The following NOX4 variants were observed in gnomAD, a reference collection of about 807,000 sequenced individuals.
NOX4 encodes NADPH oxidase 4.
In NOX4, 69 loss-of-function variants were observed where a neutral mutation model predicts 87.6. That is an observed-to-expected ratio of 0.79 (90% CI 0.65 to 0.96). The LOEUF is 0.96. NOX4 is among the 40% of genes least tolerant of loss of function. The pLI is 0.00. For missense variants in NOX4, 680 were observed against 681.5 expected, an observed-to-expected ratio of 1.00 and a Z score of 0.02; for synonymous variants, 275 against 238.2, an observed-to-expected ratio of 1.15 and a Z score of -1.42.
At chr11:89,450,559 T>C (rs1033992195) in intron 3 of NOX4, among the ~76,000 whole-genome samples, 11 of 152,070 alleles carry the variant, frequency 7.2e-5, no homozygotes, top group South Asian at 2.1e-4. Context: ...ATATAATACA[T>C]GACATCACTA....
intron 12 of NOX4, among the ~76,000 whole-genome samples, chr11:89,365,796 T>G (rs1480359380): frequency 6.7e-6 from 1 of 149,794 alleles, no homozygotes; most frequent in South Asian, 2.1e-4. Context: ...TTCTTTTATG[T>G]TTTATGAAGT....
At chr11:89,380,097 G>T (rs1413358568) in intron 11 of NOX4, among the ~76,000 whole-genome samples, 1 of 152,128 alleles carries the variant, frequency 6.6e-6, no homozygotes, top group Non-Finnish European at 1.5e-5. Flanking sequence ...TATAAACTTG[G>T]GACATGAAGC....
At chr11:89,361,597 A>C (rs1938530874) in intron 12 of NOX4, among the ~76,000 whole-genome samples, 2 of 152,058 alleles carry the variant, frequency 1.3e-5, no homozygotes, top group Admixed American at 1.3e-4. Context: ...GTACCCCAAA[A>C]ACTATTGAAA....
intron 2 of NOX4, among the ~76,000 whole-genome samples, chr11:89,476,747 A>G (rs528984438): frequency 6.6e-6 from 1 of 152,316 alleles, no homozygotes; most frequent in African/African-American, 2.4e-5. Context: ...GAATGGATAT[A>G]TAAAAAGTGG....
chr11:89,328,381 A>G (rs1945302725), intron 17 of NOX4, among the ~76,000 whole-genome samples: 1 of 152,154 alleles, frequency 6.6e-6, no homozygotes, highest in Non-Finnish European at 1.5e-5. Flanking sequence ...ATTCTCAGAA[A>G]CGTATCACCT....
At chr11:89,426,871 G>C (rs1409347152) in intron 7 of NOX4, among the ~76,000 whole-genome samples, 4 of 152,164 alleles carry the variant, frequency 2.6e-5, no homozygotes, top group Admixed American at 6.5e-5. Flanking sequence ...TTTGAAGAGA[G>C]TAGTGGTTCT....
At chr11:89,386,355 C>T (rs546896901) in intron 11 of NOX4, among the ~76,000 whole-genome samples, 1 of 152,288 alleles carries the variant, frequency 6.6e-6, no homozygotes, top group Non-Finnish European at 1.5e-5. Context: ...TTACACTTTT[C>T]CTTCAAACCA....
chr11:89,457,454 G>A (rs924231623), intron 2 of NOX4, among the ~76,000 whole-genome samples: 1 of 152,150 alleles, frequency 6.6e-6, no homozygotes, highest in Non-Finnish European at 1.5e-5. Context: ...AACCCTGCCA[G>A]CACCAGCTTT....
the NOX4 span, among the ~76,000 whole-genome samples, chr11:89,526,295 G>A: frequency 2.6e-5 from 4 of 152,092 alleles, no homozygotes; most frequent in African/African-American, 9.7e-5. Flanking sequence ...GGGTACATCT[G>A]ATATATTTTG....
intron 8 of NOX4, among the ~76,000 whole-genome samples, chr11:89,419,058 G>T (rs929927855): frequency 6.6e-6 from 1 of 152,004 alleles, no homozygotes; most frequent in Admixed American, 6.6e-5. Context: ...TTAAAAATAT[G>T]CAGTTTTATA....
At chr11:89,362,606 T>C (rs1938617688) in intron 12 of NOX4, among the ~76,000 whole-genome samples, 1 of 152,088 alleles carries the variant, frequency 6.6e-6, no homozygotes, top group East Asian at 1.9e-4. Flanking sequence ...AAGTAATCTA[T>C]CAATCATCTA....
At chr11:89,518,074 A>G in the NOX4 span, among the ~76,000 whole-genome samples, 1 of 152,130 alleles carries the variant, frequency 6.6e-6, no homozygotes, top group Non-Finnish European at 1.5e-5. Context: ...CAAAATAATG[A>G]AGATTAAATA....
intron 11 of NOX4, among the ~76,000 whole-genome samples, chr11:89,381,848 C>T (rs1437744371): frequency 2.0e-5 from 3 of 152,214 alleles, no homozygotes; most frequent in Non-Finnish European, 4.4e-5. Flanking sequence ...CTTCTCCAGC[C>T]TCTCTCACTA....
chr11:89,496,417 C>T (rs1946951213), upstream of NOX4, among the ~76,000 whole-genome samples: 1 of 151,998 alleles, frequency 6.6e-6, no homozygotes, highest in Non-Finnish European at 1.5e-5. Flanking sequence ...TAGAATTGCC[C>T]TACATTAAAC....
chr11:89,348,127 T>C (rs1173515070), intron 13 of NOX4, among the ~76,000 whole-genome samples: 2 of 152,080 alleles, frequency 1.3e-5, no homozygotes, highest in African/African-American at 4.8e-5. Context: ...TGATAAGACC[T>C]ATGTCTCTGG....
chr11:89,587,025 C>T, the NOX4 span, among the ~76,000 whole-genome samples: 1 of 152,048 alleles, frequency 6.6e-6, no homozygotes, highest in East Asian at 1.9e-4. Context: ...TCCTAGTGTA[C>T]ATATTATAAA....
the NOX4 span, among the ~76,000 whole-genome samples, chr11:89,506,248 A>AGG: frequency 4.6e-5 from 7 of 150,562 alleles, no homozygotes; most frequent in Non-Finnish European, 8.9e-5. Flanking sequence ...AGAGAGAGAG[A>AGG]AAGAAAAAAA....
the NOX4 span, among the ~76,000 whole-genome samples, chr11:89,579,470 T>A: frequency 1.4e-5 from 2 of 146,390 alleles, no homozygotes; most frequent in African/African-American, 5.0e-5. Context: ...AAAACTGCTT[T>A]AAAAAAAAAA....
At chr11:89,433,517 A>T (rs1943921494) in intron 6 of NOX4, among the ~76,000 whole-genome samples, 1 of 152,036 alleles carries the variant, frequency 6.6e-6, no homozygotes, top group African/African-American at 2.4e-5. Flanking sequence ...CCTCTTATGA[A>T]ACTAAGCAGT....
Sources: gnomAD v4.1 joint callset for allele counts (sites outside exome capture counted in the v4.1 genomes callset) on GRCh38, gnomAD v4.1.1 for gene constraint, MANE v1.5 for transcripts, NCBI Gene and HGNC (gene_info 2026-07-23, HGNC 2026-07-21) for gene names.